The following LARP1 variants were observed in gnomAD, a reference collection of about 807,000 sequenced individuals.
LARP1 encodes the protein la-related protein 1.
A neutral mutation model predicts 122.7 loss-of-function variants in LARP1; 36 were observed. That is an observed-to-expected ratio of 0.29 (90% confidence interval 0.22 to 0.39). LARP1 has a LOEUF of 0.39. Ranked by LOEUF, LARP1 falls within the 10% of genes least tolerant of loss-of-function variation. The pLI, the probability that LARP1 is intolerant of heterozygous loss-of-function variation, is 1.00. For synonymous variants in LARP1, 539 were observed against 528.7 expected, an observed-to-expected ratio of 1.02 and a Z score of -0.27; for missense variants, 1,040 against 1,403.6, an observed-to-expected ratio of 0.74 and a Z score of 4.14.
rs796802390 is a variant in LARP1, at chr5:154,703,293, C to G, written c.-180+20256C>G. On this transcript the variant is annotated intron_variant, in intron 1 of 18. Transcript: ENST00000687700. ...ACTCCTATCTATACACTTTCAGCAT[C>G]TTGAAATAAAGGACCTTATGCCAGT... 2.0e-5 allele frequency among the ~76,000 whole-genome samples: 3 copies of G among 152,276 alleles called. 1 individual carries two copies. Among genetic ancestry groups the G allele is most frequent in the African/African-American group, 7.2e-5 (3 of 41,540 alleles).
At chr5:154,781,155 C>T (rs1439499741) in intron 1 of LARP1, among the ~76,000 whole-genome samples, 1 of 152,164 alleles carries the variant, frequency 6.6e-6, no homozygotes, top group African/African-American at 2.4e-5. Context: ...GGCAGCCTCC[C>T]ACATCAGGGT....
intron 1 of LARP1, among the ~76,000 whole-genome samples, chr5:154,702,367 C>T (rs1754757906): frequency 1.3e-5 from 2 of 151,964 alleles, no homozygotes; most frequent in Admixed American, 1.3e-4. Flanking sequence ...ACCAGCCTGG[C>T]CAACATGGTG....
rs1003704040 is a variant in LARP1, at chr5:154,803,215, A to G, written c.2110-75A>G. The G allele has an allele frequency of 6.3e-7, 1 of 1,589,536 alleles. No individual in the cohort carries two copies. Among genetic ancestry groups the G allele is most frequent in the Non-Finnish European group, 8.6e-7 (1 of 1,159,812 alleles). ...GAGCTGCCCTCTCCAACTTCCTGCC[A>G]GTCTTGATTCCTTAAACAGGCTAGA... On this transcript the variant is annotated intron_variant, in intron 11 of 18. Transcript: ENST00000518297. This position sits in a 1 kb window ranked among gnomAD's most constrained non-coding sequence, Gnocchi z 4.4.
At chr5:154,758,738 C>T (rs1391884534) in intron 1 of LARP1, among the ~76,000 whole-genome samples, 1 of 152,198 alleles carries the variant, frequency 6.6e-6, no homozygotes, top group Non-Finnish European at 1.5e-5. Context: ...CCAAAGCTTG[C>T]TGTAAATGCC....
Position 154,803,477 on chromosome 5 carries a change from C to A in LARP1, c.2234-63C>A. 6.2e-7 allele frequency: 1 copy of A among 1,613,964 alleles called. No individual in the cohort carries two copies. Among genetic ancestry groups the A allele is most frequent in the East Asian group, 2.2e-5 (1 of 44,874 alleles). ...GGATCTAGGGCCCTTGGACTGGGGG[C>A]TATCCTGGGGTGGATGCCACAGGCC... On this transcript the variant is annotated intron_variant, in intron 12 of 18. Transcript: ENST00000518297. The surrounding 1 kb of genome is among the most constrained non-coding windows in gnomAD (Gnocchi z 4.4).
intron 1 of LARP1, among the ~76,000 whole-genome samples, chr5:154,721,328 C>A (rs551589019): frequency 1.1e-4 from 15 of 139,160 alleles, no homozygotes; most frequent in African/African-American, 4.0e-4. Context: ...GCCTGGGCAA[C>A]AGAGCGAGAC....
intron 15 of LARP1, 104 bp from the exon 16 acceptor site, chr5:154,808,352 TGGA>T: frequency 7.4e-7 from 1 of 1,351,504 alleles, no homozygotes; most frequent in East Asian, 2.4e-5. Context: ...TGAGGGGATT[TGGA>T]AGTACATGAG....
intron 8 of LARP1, among the ~76,000 whole-genome samples, chr5:154,795,854 A>T (rs1222124786): frequency 3.0e-5 from 4 of 134,128 alleles, no homozygotes; most frequent in Middle Eastern, 3.7e-3. Context: ...ATTTATATAT[A>T]TTTTATATAC....
At chr5:154,731,063 G>A (rs1756532973) in intron 1 of LARP1, among the ~76,000 whole-genome samples, 1 of 151,980 alleles carries the variant, frequency 6.6e-6, no homozygotes, top group South Asian at 2.1e-4. Flanking sequence ...GACCTCAGGT[G>A]ATCCGCCTGC....
intron 1 of LARP1, among the ~76,000 whole-genome samples, chr5:154,728,221 C>T (rs551704474): frequency 1.3e-5 from 2 of 152,248 alleles, no homozygotes; most frequent in South Asian, 4.1e-4. Flanking sequence ...GGCCAAGGAA[C>T]CTTCTTTTAA....
chr5:154,744,134 G>T (rs1198715557), intron 1 of LARP1, among the ~76,000 whole-genome samples: 3 of 152,152 alleles, frequency 2.0e-5, no homozygotes, highest in Non-Finnish European at 4.4e-5. Context: ...CCTGGGGGAA[G>T]CCTTGGCAGG....
At chr5:154,738,680 G>C (rs558281396) in intron 1 of LARP1, among the ~76,000 whole-genome samples, 1 of 152,156 alleles carries the variant, frequency 6.6e-6, no homozygotes, top group East Asian at 1.9e-4. Flanking sequence ...CTTTTCTTGA[G>C]GCTTTAGACC....
intron 1 of LARP1, among the ~76,000 whole-genome samples, chr5:154,771,487 C>T (rs1182768506): frequency 6.6e-6 from 1 of 152,172 alleles, no homozygotes; most frequent in Non-Finnish European, 1.5e-5. Flanking sequence ...GGGGTTTGAG[C>T]CCATGGCAGA....
chr5:154,813,487 C>T (rs1192702556), intron 18 of LARP1, among the ~76,000 whole-genome samples: 1 of 152,192 alleles, frequency 6.6e-6, no homozygotes, highest in African/African-American at 2.4e-5. Context: ...CCACATTCCA[C>T]ATTTCTGAGC....
chr5:154,808,349 AT>A, intron 15 of LARP1, 109 bp from the exon 16 acceptor site: 1 of 1,314,830 alleles, frequency 7.6e-7, no homozygotes, highest in Non-Finnish European at 1.0e-6. Context: ...GAGTGAGGGG[AT>A]TTGGAAGTAC....
At chr5:154,784,252 G>A (rs1050944539) in intron 1 of LARP1, among the ~76,000 whole-genome samples, 3 of 152,206 alleles carry the variant, frequency 2.0e-5, no homozygotes, top group African/African-American at 4.8e-5. Context: ...CAGCCCTGTG[G>A]TCCCTGCCCC....
At chr5:154,795,077 G>A (rs1217776271) in intron 7 of LARP1, 98 bp from the exon 8 acceptor site, 23 of 1,171,098 alleles carry the variant, frequency 2.0e-5, no homozygotes, top group Non-Finnish European at 2.8e-5. Flanking sequence ...GTCAGAGGCT[G>A]TGTGAGATTG....
At chr5:154,772,318 T>C (rs1403320245) in intron 1 of LARP1, among the ~76,000 whole-genome samples, 1 of 152,208 alleles carries the variant, frequency 6.6e-6, no homozygotes, top group African/African-American at 2.4e-5. Flanking sequence ...TGATTTGGGC[T>C]AGGAACATTT....
At chr5:154,792,835 G>T in intron 4 of LARP1, 39 bp downstream of exon 4, 1 of 1,597,548 alleles carries the variant, frequency 6.3e-7, no homozygotes, top group South Asian at 1.1e-5. Context: ...AAGGTGGCAG[G>T]GTAGAACTGT....
Sources: gnomAD v4.1 joint callset for allele counts (sites outside exome capture counted in the v4.1 genomes callset) on GRCh38, gnomAD v4.1.1 for gene constraint, Gnocchi (gnomAD v3.1) non-coding constraint, MANE v1.5 for transcripts, NCBI Gene and HGNC (gene_info 2026-07-23, HGNC 2026-07-21) for gene names.